The following TSNARE1 variants were observed in gnomAD, a reference collection of about 807,000 sequenced individuals.
TSNARE1 encodes the protein t-SNARE domain containing 1.
A neutral mutation model predicts 62.0 loss-of-function variants in TSNARE1; 49 were observed. The ratio of observed to expected loss-of-function variants is 0.79; its 90% CI spans 0.63 to 1.00. The LOEUF (loss-of-function observed/expected upper bound fraction) is 1.00. Among genes scored for constraint, TSNARE1 ranks in the 50% least tolerant of loss-of-function variants. The pLI, the probability that TSNARE1 is intolerant of heterozygous loss-of-function variation, is 0.00. For synonymous variants in TSNARE1, 328 were observed against 294.4 expected (o/e 1.11, Z -1.17); for missense variants, 755 against 700.1 (o/e 1.08, Z -0.88).
At chr8:142,238,182 C>T (rs1817528011) in intron 12 of TSNARE1, among the ~76,000 whole-genome samples, 1 of 152,072 alleles carries the variant, frequency 6.6e-6, no homozygotes. Context: ...CCCTGGGTCT[C>T]CAGGACCCCG....
chr8:142,320,165 A>G (rs1396484589), intron 6 of TSNARE1, among the ~76,000 whole-genome samples: 5 of 152,132 alleles, frequency 3.3e-5, no homozygotes, highest in African/African-American at 9.7e-5. Context: ...ATCCCCTCAC[A>G]TTCTGTGCAC....
intron 12 of TSNARE1, chr8:142,269,636 G>A (rs1819350234): frequency 1.0e-6 from 1 of 985,194 alleles, no homozygotes; most frequent in Non-Finnish European, 1.2e-6. Context: ...GGCCATGGTG[G>A]GTATTTTTAA....
intron 12 of TSNARE1, among the ~76,000 whole-genome samples, chr8:142,235,608 C>T (rs1817372374): frequency 6.6e-6 from 1 of 152,044 alleles, no homozygotes; most frequent in African/African-American, 2.4e-5. Context: ...TAAATGTTCA[C>T]ATCAAAAATA....
chr8:142,231,235 G>C (rs2130089292), intron 12 of TSNARE1, among the ~76,000 whole-genome samples: 1 of 152,292 alleles, frequency 6.6e-6, no homozygotes, highest in South Asian at 2.1e-4. Flanking sequence ...TCCCAGCCTT[G>C]GGAAACACAT....
chr8:142,351,170 G>A (rs1834049984), intron 2 of TSNARE1, among the ~76,000 whole-genome samples: 1 of 152,240 alleles, frequency 6.6e-6, no homozygotes, highest in Non-Finnish European at 1.5e-5. Context: ...CGAGCAGTGA[G>A]GGGAAGCCAA....
At chr8:142,248,811 T>C (rs958910984) in intron 12 of TSNARE1, among the ~76,000 whole-genome samples, 7 of 152,206 alleles carry the variant, frequency 4.6e-5, no homozygotes, top group African/African-American at 1.4e-4. Flanking sequence ...GCCAGCCTCC[T>C]GCTGCCCTGT....
At chr8:142,212,807 T>C (rs1586731616) in intron 13 of TSNARE1, among the ~76,000 whole-genome samples, 1 of 116,460 alleles carries the variant, frequency 8.6e-6, no homozygotes, top group East Asian at 2.8e-4. Flanking sequence ...CTCCAATCCT[T>C]CCCCCCCCTG....
rs929855161 is a variant in TSNARE1 at position 142,235,240 on chromosome 8, G to A, written c.1447-5661C>T. Among the ~76,000 whole-genome samples the A allele has an allele frequency of 2.7e-5, 4 of 150,604 alleles. No homozygotes were observed. The East Asian group carries it at 5.9e-4, about 22-fold the overall frequency. On this transcript the variant is annotated intron_variant, in intron 12 of 13. Transcript: ENST00000524325. Reference sequence around the variant, plus strand: ...AGGACGTGACTCACCCAGGATACCCGCAGGCCCCAGAGAAGGACGTGACTC... The same window carrying A: ...AGGACGTGACTCACCCAGGATACCCACAGGCCCCAGAGAAGGACGTGACTC...
chr8:142,294,672 G>A (rs1261391641), intron 10 of TSNARE1, among the ~76,000 whole-genome samples: 6 of 152,236 alleles, frequency 3.9e-5, no homozygotes, highest in Middle Eastern at 6.3e-3. Context: ...ATACAGGGCC[G>A]GCACAGCTGC....
chr8:142,384,303 A>T (rs1836967576), intron 1 of TSNARE1, among the ~76,000 whole-genome samples: 1 of 152,210 alleles, frequency 6.6e-6, no homozygotes, highest in African/African-American at 2.4e-5. Context: ...AGGAAGCTGC[A>T]AGGACTCTTA....
At chr8:142,384,870 T>C (rs941936142) in intron 1 of TSNARE1, among the ~76,000 whole-genome samples, 3 of 152,152 alleles carry the variant, frequency 2.0e-5, no homozygotes, top group Admixed American at 2.0e-4. Flanking sequence ...TACATGAAAG[T>C]ACACTATCAA....
At chr8:142,269,770 C>T in intron 12 of TSNARE1, 5 of 985,148 alleles carry the variant, frequency 5.1e-6, no homozygotes, top group South Asian at 4.7e-5. Context: ...GGAGGCCCCG[C>T]CCAGAACCAA....
chr8:142,294,514 G>A (rs1417765272), intron 10 of TSNARE1, among the ~76,000 whole-genome samples: 3 of 152,134 alleles, frequency 2.0e-5, no homozygotes, highest in African/African-American at 7.2e-5. Context: ...GGCTCCTGGC[G>A]GCAGCTGGCG....
intron 12 of TSNARE1, among the ~76,000 whole-genome samples, chr8:142,261,062 C>CAGGAGGGAAGGAGAAAAGAGGGAGG (rs1818854003): frequency 8.4e-5 from 1 of 11,918 alleles, no homozygotes. Context: ...AAGAGGGAAG[C>CAGGAGGGAAGGAGAAAAGAGGGAGG]AGGAGGGAGG....
intron 12 of TSNARE1, among the ~76,000 whole-genome samples, chr8:142,264,916 CTTT>C (rs996258855): frequency 2.0e-5 from 3 of 152,176 alleles, no homozygotes; most frequent in Admixed American, 1.3e-4. Flanking sequence ...CCAAATGCTT[CTTT>C]GTGTTCTCGC....
chr8:142,279,442 A>G (rs1821037641), intron 11 of TSNARE1, among the ~76,000 whole-genome samples: 1 of 152,134 alleles, frequency 6.6e-6, no homozygotes, highest in South Asian at 2.1e-4. Flanking sequence ...GCCCCTCACC[A>G]GGCACTGGTC....
At chr8:142,237,063 G>C (rs1255357181) in intron 12 of TSNARE1, among the ~76,000 whole-genome samples, 8 of 149,780 alleles carry the variant, frequency 5.3e-5, no homozygotes, top group Non-Finnish European at 4.5e-5. Context: ...GGGGCCTGAG[G>C]TTCCAGAACG....
intron 12 of TSNARE1, among the ~76,000 whole-genome samples, chr8:142,267,442 A>C (rs1819194255): frequency 6.6e-6 from 1 of 152,072 alleles, no homozygotes; most frequent in African/African-American, 2.4e-5. Flanking sequence ...AACTGTCCTC[A>C]CTCACCTGGA....
intron 12 of TSNARE1, among the ~76,000 whole-genome samples, chr8:142,240,694 T>C (rs1280113771): frequency 6.6e-6 from 1 of 152,168 alleles, no homozygotes; most frequent in Non-Finnish European, 1.5e-5. Flanking sequence ...AAAAAAACAG[T>C]AAATTAAAAA....
Sources: gnomAD v4.1 joint callset for allele counts (sites outside exome capture counted in the v4.1 genomes callset) on GRCh38, gnomAD v4.1.1 for gene constraint, MANE v1.5 for transcripts, NCBI Gene and HGNC (gene_info 2026-07-23, HGNC 2026-07-21) for gene names.